TF: variants seen among roughly 807,000 people sequenced by gnomAD.
TF encodes the protein transferrin, also known as serotransferrin.
TF carries 55 observed loss-of-function variants against 82.4 expected under a neutral mutation model. The observed-to-expected ratio is 0.67, with a 90% CI of 0.54 to 0.84. TF has a LOEUF of 0.84. Ranked by LOEUF, TF falls within the 40% of genes least tolerant of loss-of-function variation. The pLI is 0.00. For missense variants in TF, 737 were observed against 868.4 expected (o/e 0.85, Z 1.90); for synonymous variants, 332 against 332.6 (o/e 1.00, Z 0.02).
the TF span, among the ~76,000 whole-genome samples, chr3:133,720,498 T>C: frequency 6.6e-6 from 1 of 152,202 alleles, no homozygotes; most frequent in Admixed American, 6.5e-5. Context: ...TTGCATTTAC[T>C]AGTATCTTCT....
chr3:133,696,219 C>CT, the TF span, among the ~76,000 whole-genome samples: 6 of 152,078 alleles, frequency 3.9e-5, no homozygotes, highest in African/African-American at 9.7e-5. Flanking sequence ...AAGCCTCCAA[C>CT]CAGGAGTTGG....
chr3:133,770,033 A>C (rs1358021), intron 13 of TF, among the ~76,000 whole-genome samples: 88,858 of 151,986 alleles, frequency 0.58, 26,089 homozygotes, highest in Non-Finnish European at 0.6. Context: ...AAACAAAAAA[A>C]CCCACAACAT....
Position 133,796,004 on chromosome 3 carries a change from A to C in TF, c.*17384A>C, listed in dbSNP as rs1657247193. Reference sequence around the variant, plus strand: ...GTATGCCAAGACCTTAAGGAAACACATAGATCCTAGAACAGACCACAGGCC... The same window carrying C: ...GTATGCCAAGACCTTAAGGAAACACCTAGATCCTAGAACAGACCACAGGCC... On this transcript the variant is annotated 3_prime_UTR_variant, in exon 17 of 17. Coordinates refer to ENST00000402696, the MANE Select transcript of TF (RefSeq NM_001063.4). 6.6e-6 allele frequency: 1 copy of C among 152,372 alleles called. No individual in the cohort carries two copies. The highest frequency in any genetic ancestry group is 2.1e-4 in the South Asian group (1 of 4,814). 9.4% of individuals were successfully genotyped at this position (152,372 alleles called of 1,614,324 possible).
chr3:133,739,760 A>C, the TF span, among the ~76,000 whole-genome samples: 1 of 152,254 alleles, frequency 6.6e-6, no homozygotes, highest in South Asian at 2.1e-4. Flanking sequence ...CATTAGAGAA[A>C]TGCAAATCAA....
the TF span, among the ~76,000 whole-genome samples, chr3:133,737,497 A>C: frequency 9.2e-5 from 14 of 151,724 alleles, no homozygotes; most frequent in South Asian, 4.2e-4. Context: ...GAGACACACA[A>C]AAAAAAACCC....
chr3:133,710,594 C>T, the TF span, among the ~76,000 whole-genome samples: 1 of 152,276 alleles, frequency 6.6e-6, no homozygotes, highest in Middle Eastern at 3.4e-3. Flanking sequence ...ATCCCCCTGC[C>T]AAAACTGCGG....
At chr3:133,671,463 T>G in the TF span, among the ~76,000 whole-genome samples, 1 of 151,952 alleles carries the variant, frequency 6.6e-6, no homozygotes, top group Non-Finnish European at 1.5e-5. Context: ...GAAAAATCAG[T>G]GACCTTAACT....
chr3:133,751,375 G>A (rs1382764669), intron 2 of TF, among the ~76,000 whole-genome samples: 1 of 151,806 alleles, frequency 6.6e-6, no homozygotes, highest in Non-Finnish European at 1.5e-5. Context: ...TGGGACTACA[G>A]GCGCGCGCCA....
the TF span, among the ~76,000 whole-genome samples, chr3:133,680,297 C>A: frequency 6.6e-6 from 1 of 151,954 alleles, no homozygotes; most frequent in Non-Finnish European, 1.5e-5. Context: ...TCTCGACCTC[C>A]TGGACTCAAG....
intron 15 of TF, among the ~76,000 whole-genome samples, chr3:133,776,374 CCA>C (rs987984643): frequency 6.6e-6 from 1 of 152,110 alleles, no homozygotes; most frequent in African/African-American, 2.4e-5. Flanking sequence ...AAAGGCCCCT[CCA>C]CACACACACA....
Position 133,777,406 on chromosome 3 carries a change from T to A in TF, c.2062+168T>A, listed in dbSNP as rs546789140. ...GCCCGGCATGTATGACAGGCTAGACTGTAGGGGCAGATAGTAAGGGGATAC... is the reference window on the plus strand; with the variant it reads ...GCCCGGCATGTATGACAGGCTAGACAGTAGGGGCAGATAGTAAGGGGATAC... On this transcript the variant is annotated intron_variant, in intron 16 of 16. Coordinates refer to ENST00000402696, the MANE Select transcript of TF (RefSeq NM_001063.4). 9 of 659,576 alleles carry A rather than the reference T, an allele frequency of 1.4e-5. No individual in the cohort carries two copies. In the African/African-American group the frequency reaches 1.6e-4, roughly 12 times the overall value. 40.9% of individuals were successfully genotyped at this position (659,576 alleles called of 1,614,324 possible).
chr3:133,724,610 G>C, the TF span, among the ~76,000 whole-genome samples: 1 of 152,152 alleles, frequency 6.6e-6, no homozygotes, highest in African/African-American at 2.4e-5. Flanking sequence ...TAGGCTGCCT[G>C]TTCACTCTGA....
chr3:133,677,685 T>C, the TF span, among the ~76,000 whole-genome samples: 1 of 151,802 alleles, frequency 6.6e-6, no homozygotes, highest in Non-Finnish European at 1.5e-5. Flanking sequence ...ATCATTTCTT[T>C]TTTTTTCTTT....
intron 13 of TF, 35 bp from the exon 14 acceptor site, chr3:133,770,473 C>CTT: frequency 6.3e-7 from 1 of 1,589,110 alleles, no homozygotes; most frequent in Non-Finnish European, 8.6e-7. Context: ...CTCTGACCGC[C>CTT]TTTTTTTTTC....
chr3:133,737,336 A>G, the TF span, among the ~76,000 whole-genome samples: 1 of 152,232 alleles, frequency 6.6e-6, no homozygotes, highest in Non-Finnish European at 1.5e-5. Context: ...GGAAATTTAT[A>G]CCACTAAATG....
the TF span, among the ~76,000 whole-genome samples, chr3:133,717,311 T>A: frequency 6.6e-6 from 1 of 152,076 alleles, no homozygotes; most frequent in African/African-American, 2.4e-5. Context: ...CCAACGAAAA[T>A]TCTTTAAGGG....
the TF span, among the ~76,000 whole-genome samples, chr3:133,732,198 C>T: frequency 6.6e-6 from 1 of 152,174 alleles, no homozygotes; most frequent in East Asian, 1.9e-4. Context: ...ATTTAGATCT[C>T]ACAATAACTC....
rs1400787053 is a variant in TF, at chr3:133,779,175, G to C, written c.*555G>C. Reference sequence around the variant, plus strand: ...ATGAATTCCATCAGGCTGAGGTCCTGATTCTAACTAGCTGAAAAAAGTGAA... The same window carrying C: ...ATGAATTCCATCAGGCTGAGGTCCTCATTCTAACTAGCTGAAAAAAGTGAA... On this transcript the variant is annotated 3_prime_UTR_variant, in exon 17 of 17. Transcript: ENST00000402696. 6.5e-6 allele frequency: 1 copy of C among 154,164 alleles called. No homozygotes were observed. Among genetic ancestry groups the C allele is most frequent in the East Asian group, 1.9e-4 (1 of 5,230 alleles). 9.5% of individuals were successfully genotyped at this position (154,164 alleles called of 1,614,324 possible).
chr3:133,736,521 G>C, the TF span, among the ~76,000 whole-genome samples: 1 of 150,660 alleles, frequency 6.6e-6, no homozygotes, highest in Non-Finnish European at 1.5e-5. Context: ...AAATTGGATA[G>C]AGTCAAGACC....
Sources: allele counts gnomAD v4.1 joint callset (sites outside exome capture counted in the v4.1 genomes callset), GRCh38; gene constraint gnomAD v4.1.1; transcripts MANE v1.5; gene names NCBI Gene and HGNC (gene_info 2026-07-23, HGNC 2026-07-21).